REG1B: variants seen among roughly 807,000 people sequenced by gnomAD.
The protein encoded by REG1B is lithostathine-1-beta.
A neutral mutation model predicts 20.4 loss-of-function variants in REG1B; 21 were observed. The ratio of observed to expected loss-of-function variants is 1.03; its 90% confidence interval spans 0.73 to 1.48. The LOEUF is 1.48. Among genes scored for constraint, REG1B ranks in the 40% most tolerant of loss-of-function variants. REG1B has a pLI of 0.00. For synonymous variants in REG1B, 82 were observed against 73.4 expected, an observed-to-expected ratio of 1.12 and a Z score of -0.60; for missense variants, 247 against 197.2, an observed-to-expected ratio of 1.25 and a Z score of -1.51.
Position 79,085,591 on chromosome 2 carries a change from G to A in REG1B, c.334C>T (p.His112Tyr). 1.2e-6 allele frequency: 2 copies of A among 1,612,146 alleles called. No homozygotes were observed. Among genetic ancestry groups the A allele is most frequent in the Admixed American group, 1.7e-5 (1 of 59,862 alleles). ...LHDPKKNRRW[H>Y]WSSGSLVSYK... ...GAGACCAGGGACCCACTACTCCAGT[G>A]CCAGCGGCGGTTCTAGATGGAGAAG... is the stretch of plus-strand genomic sequence containing the variant. The change falls in exon 5 of 6, where the codon CAC becomes TAC. Residue 112 changes from histidine to tyrosine, a missense_variant. His to Tyr is a moderately conservative substitution (Grantham distance 83). Transcript: ENST00000305089.
rs554593839 is a variant in REG1B at position 79,085,046 on chromosome 2, T to C, written c.*170A>G. ...AACACTGGATAAAAATAAGTTTGTTTTTATTTTTCAGGGCTCTAGAGACTG... is the reference window on the plus strand; with the variant it reads ...AACACTGGATAAAAATAAGTTTGTTCTTATTTTTCAGGGCTCTAGAGACTG... On this transcript the variant is annotated 3_prime_UTR_variant, in exon 6 of 6. Coordinates refer to ENST00000305089, the MANE Select transcript of REG1B (RefSeq NM_006507.4). The C allele has an allele frequency of 1.8e-5, 11 of 605,360 alleles. No individual in the cohort carries two copies. The highest frequency in any genetic ancestry group is 3.3e-5 in the Non-Finnish European group (11 of 337,348). The allele number at this position is 605,360 out of a possible 1,614,324, so 37.5% of individuals were successfully genotyped here.
Position 79,087,952 on chromosome 2 carries a change from C to A in REG1B, c.-47+7G>T. On this transcript the variant is annotated splice_region_variant and intron_variant, in intron 1 of 5. Coordinates refer to ENST00000305089, the MANE Select transcript of REG1B (RefSeq NM_006507.4). ...AGACATGCTCTTCTCCTGTAATGCCCCTTTACCTGTTGGTAAGTGCCTTGT... is the reference window on the plus strand; with the variant it reads ...AGACATGCTCTTCTCCTGTAATGCCACTTTACCTGTTGGTAAGTGCCTTGT... 1 of 213,112 alleles carries A rather than the reference C, an allele frequency of 4.7e-6. No homozygotes were observed. The highest frequency in any genetic ancestry group is 9.5e-6 in the Non-Finnish European group (1 of 105,440). The allele number at this position is 213,112 out of a possible 1,614,324, so 13.2% of individuals were successfully genotyped here.
Position 79,085,598 on chromosome 2 carries a change from G to A in REG1B, c.327C>T (p.Arg109=). The part of the protein sequence containing the change: ...WIGLHDPKKN[R]RWHWSSGSLV... ...GGGACCCACTACTCCAGTGCCAGCG[G>A]CGGTTCTAGATGGAGAAGGGCCAGA... The change falls in exon 5 of 6, where the codon CGC becomes CGT. Residue 109 remains arginine, a synonymous_variant. Coordinates refer to ENST00000305089, the MANE Select transcript of REG1B (RefSeq NM_006507.4). The A allele has an allele frequency of 4.3e-6, 7 of 1,611,524 alleles. No homozygotes were observed. Among genetic ancestry groups the A allele is most frequent in the Non-Finnish European group, 5.9e-6 (7 of 1,178,536 alleles).
Position 79,085,171 on chromosome 2 carries a change from T to C in REG1B, c.*45A>G, listed in dbSNP as rs377247357. The C allele has an allele frequency of 6.4e-6, 9 of 1,401,936 alleles. No individual in the cohort carries two copies. The highest frequency in any genetic ancestry group is 1.2e-5 in the South Asian group (1 of 86,668). The allele number at this position is 1,401,936 out of a possible 1,614,324, so 86.8% of individuals were successfully genotyped here. On this transcript the variant is annotated 3_prime_UTR_variant, in exon 6 of 6. Coordinates refer to ENST00000305089, the MANE Select transcript of REG1B (RefSeq NM_006507.4). ...TAGTCTAGTTTAATTTTTGACTTCA[T>C]AGTAATTGCAGGACCAGTTCTAGAC...
chr2:79,085,468 G>T, intron 5 of REG1B, 24 bp downstream of exon 5: 2 of 1,574,930 alleles, frequency 1.3e-6, no homozygotes. Context: ...ATGGCAACAG[G>T]TGGATAGATT....
chr2:79,085,763 C>A, intron 4 of REG1B, 160 bp from the exon 5 acceptor site: 1 of 486,604 alleles, frequency 2.1e-6, no homozygotes, highest in Non-Finnish European at 3.7e-6. Context: ...TTGCTCTAAG[C>A]TTCTCCTTCT....
chr2:79,086,354 G>A lies in REG1B; in HGVS notation c.321+13C>T, dbSNP rs1672398689. 2 of 1,613,864 alleles carry A rather than the reference G, an allele frequency of 1.2e-6. No homozygotes were observed. The highest frequency in any genetic ancestry group is 1.7e-4 in the Middle Eastern group (1 of 6,056). On this transcript the variant is annotated intron_variant, in intron 4 of 5. Coordinates refer to ENST00000305089, the MANE Select transcript of REG1B (RefSeq NM_006507.4). Reference sequence around the variant, plus strand: ...AAATGTTTATAAGGAGATAGAGGTGGCTGCAGACTGACCTTTTTTGGGTCA... The same window carrying A: ...AAATGTTTATAAGGAGATAGAGGTGACTGCAGACTGACCTTTTTTGGGTCA...
At chr2:79,085,457 A>G in intron 5 of REG1B, 35 bp downstream of exon 5, 1 of 1,545,930 alleles carries the variant, frequency 6.5e-7, no homozygotes, top group East Asian at 2.2e-5. Flanking sequence ...GTGGGAAGGA[A>G]ATGGCAACAG....
At chr2:79,085,872 A>G (rs757256707) in intron 4 of REG1B, 2 of 294,646 alleles carry the variant, frequency 6.8e-6, no homozygotes, top group Non-Finnish European at 1.3e-5. Context: ...GTGGTTTCTG[A>G]TTTTTTTCCT....
intron 2 of REG1B, 61 bp downstream of exon 2, chr2:79,087,488 C>T (rs1208071949): frequency 1.9e-6 from 3 of 1,544,244 alleles, no homozygotes; most frequent in Middle Eastern, 1.7e-4. Flanking sequence ...GAACCTTATA[C>T]ATGAGGATGG....
chr2:79,087,402 A>C, intron 2 of REG1B, 147 bp downstream of exon 2: 1 of 751,338 alleles, frequency 1.3e-6, no homozygotes, highest in East Asian at 2.7e-5. Context: ...GGTGTTTTTG[A>C]ATGGGATAAA....
intron 4 of REG1B, 196 bp from the exon 5 acceptor site, chr2:79,085,799 C>T (rs1672390371): frequency 2.3e-6 from 1 of 439,148 alleles, no homozygotes; most frequent in Non-Finnish European, 4.1e-6. Context: ...TCCTCCTCCT[C>T]TTCCAGCAAA....
At position 79,085,122 on chromosome 2, in the gene REG1B, A is replaced by G. The variant is rs956811850; in HGVS notation, c.*94T>C. On this transcript the variant is annotated 3_prime_UTR_variant, in exon 6 of 6. Transcript: ENST00000305089. Reference sequence around the variant, plus strand: ...GCGATGCAAACTCATTAGGGAGGAGATGGTCTGAACTGAGTTGGAGACATA... The same window carrying G: ...GCGATGCAAACTCATTAGGGAGGAGGTGGTCTGAACTGAGTTGGAGACATA... 1.9e-5 allele frequency: 16 copies of G among 839,952 alleles called. No individual in the cohort carries two copies. The highest frequency in any genetic ancestry group is 9.2e-5 in the Admixed American group (5 of 54,464). The allele number at this position is 839,952 out of a possible 1,614,324, so 52.0% of individuals were successfully genotyped here.
chr2:79,085,192 T>C lies in REG1B; in HGVS notation c.*24A>G, dbSNP rs1558714962. ...TTCATAGTAATTGCAGGACCAGTTC[T>C]AGACATCCATTTTTCAGCTTCCTCT... is the stretch of plus-strand genomic sequence containing the variant. On this transcript the variant is annotated 3_prime_UTR_variant, in exon 6 of 6. Transcript: ENST00000305089. 3 of 1,580,244 alleles carry C rather than the reference T, an allele frequency of 1.9e-6. No homozygotes were observed. Among genetic ancestry groups the C allele is most frequent in the Non-Finnish European group, 2.6e-6 (3 of 1,149,212 alleles).
rs375323595 is a variant in REG1B at position 79,086,904 on chromosome 2, T to G, written c.91A>C (p.Asn31His). The G allele has an allele frequency of 1.1e-5, 18 of 1,613,762 alleles. No homozygotes were observed. Among genetic ancestry groups the G allele is most frequent in the Non-Finnish European group, 1.4e-5 (17 of 1,179,938 alleles). Residue 31 changes from asparagine (N) to histidine (H), a missense_variant, in exon 3 of 6, where the codon AAT becomes CAT. Asn to His is a moderately conservative substitution (Grantham distance 68, BLOSUM62 1). Coordinates refer to ENST00000305089, the MANE Select transcript of REG1B (RefSeq NM_006507.4). ...CCTTCTGGGCAGCTGATTCGGGGAT[T>G]AGGCAGCTCTGTCTGGGACTCCTGG... ...QGQESQTELP[N>H]PRISCPEGTN...
At chr2:79,085,376 A>G in intron 5 of REG1B, 93 bp from the exon 6 acceptor site, 1 of 1,329,776 alleles carries the variant, frequency 7.5e-7, no homozygotes, top group Non-Finnish European at 1.1e-6. Context: ...TAGAGGAAAT[A>G]CTTCTTTATT....
Position 79,086,826 on chromosome 2 carries a change from A to G in REG1B, c.169T>C (p.Trp57Arg), listed in dbSNP as rs1672407293. ...CYYFNEDPET[W>R]VDADLYCQNM... The stretch of plus-strand genomic sequence containing the variant: ...TCCTCACTCACATCTGCATCAACCC[A>G]GGTCTCAGGGTCTTCATTAAAGTAG... The change falls in exon 3 of 6, where the codon TGG (tryptophan) becomes CGG (arginine). Residue 57 changes from tryptophan (W) to arginine (R), a missense_variant. By Grantham distance (101) the Trp-to-Arg change is moderately radical. Transcript: ENST00000305089. 2 of 1,613,444 alleles carry G rather than the reference A, an allele frequency of 1.2e-6. No homozygotes were observed. Among genetic ancestry groups the G allele is most frequent in the African/African-American group, 2.7e-5 (2 of 74,890 alleles).
chr2:79,085,171 T>A lies in REG1B; in HGVS notation c.*45A>T, dbSNP rs377247357. 2 of 1,402,054 alleles carry A rather than the reference T, an allele frequency of 1.4e-6. No homozygotes were observed. Among genetic ancestry groups the A allele is most frequent in the Non-Finnish European group, 2.0e-6 (2 of 987,010 alleles). 86.9% of individuals were successfully genotyped at this position (1,402,054 alleles called of 1,614,324 possible). On this transcript the variant is annotated 3_prime_UTR_variant, in exon 6 of 6. Transcript: ENST00000305089. Reference sequence around the variant, plus strand: ...TAGTCTAGTTTAATTTTTGACTTCATAGTAATTGCAGGACCAGTTCTAGAC... The same window carrying A: ...TAGTCTAGTTTAATTTTTGACTTCAAAGTAATTGCAGGACCAGTTCTAGAC...
At position 79,085,289 on chromosome 2, in the gene REG1B, G is replaced by A; in HGVS notation, c.434-6C>T. On this transcript the variant is annotated splice_region_variant and splice_polypyrimidine_tract_variant and intron_variant, in intron 5 of 5. Coordinates refer to ENST00000305089, the MANE Select transcript of REG1B (RefSeq NM_006507.4). ...ATCCTTCCATTTCTTGAATCCTATG[G>A]TACAATGAGAAGTGTCAGACATAGA... The A allele has an allele frequency of 1.2e-6, 2 of 1,600,480 alleles. No homozygotes were observed. Among genetic ancestry groups the A allele is most frequent in the Admixed American group, 1.7e-5 (1 of 59,916 alleles).
Sources: allele counts gnomAD v4.1 joint callset, GRCh38; gene constraint gnomAD v4.1.1; transcripts MANE v1.5; gene names NCBI Gene and HGNC (gene_info 2026-07-23, HGNC 2026-07-21).